Variants in ARHGAP35 observed in about 807,000 individuals in gnomAD.
The protein encoded by ARHGAP35 is rho GTPase-activating protein 35.
Under a neutral mutation model 111.1 loss-of-function variants are expected in ARHGAP35, and 15 were observed. The ratio of observed to expected loss-of-function variants is 0.13; its 90% CI spans 0.09 to 0.21. The LOEUF is 0.21. Ranked by LOEUF, ARHGAP35 falls within the 10% of genes least tolerant of loss-of-function variation. ARHGAP35 has a pLI of 1.00. For synonymous variants in ARHGAP35, 643 were observed against 710.3 expected (o/e 0.91, Z 1.51); for missense variants, 1,262 against 1,873.0 (o/e 0.67, Z 6.02).
intron 2 of ARHGAP35, among the ~76,000 whole-genome samples, chr19:46,936,794 A>G (rs143217145): frequency 6.6e-6 from 1 of 151,698 alleles, no homozygotes; most frequent in African/African-American, 2.4e-5. Flanking sequence ...AAGATAGAAA[A>G]TTAAAAGTAG....
intron 3 of ARHGAP35, among the ~76,000 whole-genome samples, chr19:46,961,946 A>G (rs535458559): frequency 5.9e-5 from 9 of 152,032 alleles, no homozygotes; most frequent in African/African-American, 1.9e-4. Context: ...GAGAGAGAGA[A>G]AGAAAGAAAA....
intron 2 of ARHGAP35, among the ~76,000 whole-genome samples, chr19:46,925,394 C>T (rs1388867188): frequency 6.6e-6 from 1 of 152,214 alleles, no homozygotes; most frequent in African/African-American, 2.4e-5. Flanking sequence ...AGGGCCAAGC[C>T]AACCCCTGTG....
intron 3 of ARHGAP35, among the ~76,000 whole-genome samples, chr19:46,939,298 C>A (rs116508170): frequency 6.6e-6 from 1 of 151,586 alleles, no homozygotes; most frequent in African/African-American, 2.4e-5. Context: ...TTTTGACACT[C>A]GTTTTATATT....
rs1159413018 is a variant in ARHGAP35, at chr19:46,921,162, C to T, written c.2487C>T (p.His829=). The T allele has an allele frequency of 6.2e-7, 1 of 1,613,938 alleles. No homozygotes were observed. Among genetic ancestry groups the T allele is most frequent in the Non-Finnish European group, 8.5e-7 (1 of 1,179,920 alleles). Residue 829 remains histidine, a synonymous_variant, in exon 2 of 7, where the codon CAC becomes CAT. Coordinates refer to ENST00000672722, the MANE Select transcript of ARHGAP35 (RefSeq NM_004491.5). This position sits in a 1 kb window ranked among gnomAD's most constrained non-coding sequence, Gnocchi z 4.3. ...SVLLELPIGL[H]KKRIELSVLS... ...TACTTGAACTACCAATCGGACTGCA[C>T]AAGAAGCGGATTGAACTGTCTGTTC...
chr19:46,984,978 ACT>A (rs1296627362), intron 3 of ARHGAP35, among the ~76,000 whole-genome samples: 1 of 152,092 alleles, frequency 6.6e-6, no homozygotes, highest in Non-Finnish European at 1.5e-5. Context: ...GCCTCTCTAC[ACT>A]GAGACTCAGG....
chr19:46,901,085 T>C lies in ARHGAP35; in HGVS notation c.-188-17403T>C, dbSNP rs1440818788. Among the ~76,000 whole-genome samples, 1 of 152,352 alleles carries C rather than the reference T, an allele frequency of 6.6e-6. No homozygotes were observed. Among genetic ancestry groups the C allele is most frequent in the East Asian group, 1.9e-4 (1 of 5,190 alleles). On this transcript the variant is annotated intron_variant, in intron 1 of 6. Coordinates refer to ENST00000672722, the MANE Select transcript of ARHGAP35 (RefSeq NM_004491.5). This position sits in a 1 kb window ranked among gnomAD's most constrained non-coding sequence, Gnocchi z 4.5. ...TTCATTGCTGTATCCACATGCCTAG[T>C]ACAGTGCCTGGCACAGTAGTAGGTG...
chr19:46,977,750 G>A (rs116619976), intron 3 of ARHGAP35, among the ~76,000 whole-genome samples: 31 of 152,294 alleles, frequency 2.0e-4, no homozygotes, highest in African/African-American at 6.5e-4. Context: ...CTCTGGAATC[G>A]GACTGCCCGG....
At position 47,003,305 on chromosome 19, in the gene ARHGAP35, G is replaced by A. The variant is rs747878428; in HGVS notation, c.*2617G>A. Reference sequence around the variant, plus strand: ...GTTGGGGCTCTAAGTTCTGGAAGGTGTGTGCACAGAGGGTGCTCATGGGAC... The same window carrying A: ...GTTGGGGCTCTAAGTTCTGGAAGGTATGTGCACAGAGGGTGCTCATGGGAC... On this transcript the variant is annotated 3_prime_UTR_variant, in exon 7 of 7. Coordinates refer to ENST00000672722, the MANE Select transcript of ARHGAP35 (RefSeq NM_004491.5). 6.6e-6 allele frequency: 1 copy of A among 152,356 alleles called. No homozygotes were observed. The highest frequency in any genetic ancestry group is 1.9e-4 in the East Asian group (1 of 5,186). 9.4% of individuals were successfully genotyped at this position (152,356 alleles called of 1,614,324 possible).
chr19:46,866,548 A>G (rs911557069), intron 1 of ARHGAP35, among the ~76,000 whole-genome samples: 5 of 152,154 alleles, frequency 3.3e-5, no homozygotes, highest in Admixed American at 1.3e-4. Flanking sequence ...AGTGCTGTCC[A>G]GGTCTGATTG....
At chr19:46,957,594 A>T (rs996141283) in intron 3 of ARHGAP35, among the ~76,000 whole-genome samples, 5 of 152,210 alleles carry the variant, frequency 3.3e-5, no homozygotes, top group African/African-American at 1.2e-4. Flanking sequence ...GACCGGCAAT[A>T]GAGTTAAACC....
At position 46,922,313 on chromosome 19, in the gene ARHGAP35, C is replaced by T. The variant is rs762418967; in HGVS notation, c.3638C>T (p.Pro1213Leu). The T allele has an allele frequency of 1.9e-6, 3 of 1,611,862 alleles. No individual in the cohort carries two copies. Among genetic ancestry groups the T allele is most frequent in the Non-Finnish European group, 8.5e-7 (1 of 1,178,974 alleles). ...ATTCCATACGAAACAGACGAAGACC[C>T]GCGGAGGAGGAATATTCTTCGCAGC... is the stretch of plus-strand genomic sequence containing the variant. The part of the protein sequence containing the change: ...AVIPYETDED[P>L]RRRNILRSLR... Residue 1213 changes from proline to leucine, a missense_variant, in exon 2 of 7, where the codon CCG (proline) becomes CTG (leucine). This residue lies in a region of ARHGAP35 where 579 missense variants were observed against 716.9 expected (regional missense o/e 0.81). Coordinates refer to ENST00000672722, the MANE Select transcript of ARHGAP35 (RefSeq NM_004491.5). The surrounding 1 kb of genome is among the most constrained non-coding windows in gnomAD (Gnocchi z 4.0).
intron 1 of ARHGAP35, among the ~76,000 whole-genome samples, chr19:46,864,412 TGTGGCCTAGGGCAATTGTATATTAAA>T (rs1459712847): frequency 5.9e-5 from 9 of 152,222 alleles, no homozygotes; most frequent in Non-Finnish European, 1.3e-4. Context: ...TTTTCCCTGC[TGTGGCCTAGGGCAATTGTATATTAAA>T]GTAGCCATCC....
chr19:46,934,003 T>G (rs948231430), intron 2 of ARHGAP35, among the ~76,000 whole-genome samples: 1 of 152,184 alleles, frequency 6.6e-6, no homozygotes, highest in Admixed American at 6.5e-5. Context: ...GAAGGAGGCT[T>G]TAAGGTGATT....
Position 46,989,273 on chromosome 19 carries a change from A to T in ARHGAP35, c.3905-271A>T. ...AGCCAGATGAAGGCAAGCTCCTGGC[A>T]CCAAAAACCAGCATGTGGGGGTAGC... On this transcript the variant is annotated intron_variant, in intron 4 of 6. Coordinates refer to ENST00000672722, the MANE Select transcript of ARHGAP35 (RefSeq NM_004491.5). The surrounding 1 kb of genome is among the most constrained non-coding windows in gnomAD (Gnocchi z 5.3). The T allele has an allele frequency of 3.0e-6, 1 of 337,948 alleles. No individual in the cohort carries two copies. Among genetic ancestry groups the T allele is most frequent in the Non-Finnish European group, 5.7e-6 (1 of 175,422 alleles). The allele number at this position is 337,948 out of a possible 1,614,324, so 20.9% of individuals were successfully genotyped here. A position where few individuals can be genotyped will look rare whatever the true frequency, so the allele number is the denominator to read the frequency against.
intron 1 of ARHGAP35, among the ~76,000 whole-genome samples, chr19:46,892,468 CAA>C (rs982546554): frequency 5.7e-4 from 38 of 67,098 alleles, no homozygotes; most frequent in Admixed American, 7.0e-4. Flanking sequence ...AACCCTGTCT[CAA>C]AAAAAAAAAA....
At position 46,999,014 on chromosome 19, in the gene ARHGAP35, T is replaced by TG; in HGVS notation, c.4037-288dup. Reference sequence around the variant, plus strand: ...GATGAGCAAAGAATGGTGTTCTTTATGGCGGAGTGTCTCCAGATTGTTCTG... The same window carrying TG: ...GATGAGCAAAGAATGGTGTTCTTTATGGGCGGAGTGTCTCCAGATTGTTCTG... On this transcript the variant is annotated intron_variant, in intron 5 of 6. Coordinates refer to ENST00000672722, the MANE Select transcript of ARHGAP35 (RefSeq NM_004491.5). The surrounding 1 kb of genome is among the most constrained non-coding windows in gnomAD (Gnocchi z 5.4). The TG allele has an allele frequency of 2.7e-6, 1 of 376,120 alleles. No individual in the cohort carries two copies. The highest frequency in any genetic ancestry group is 4.8e-6 in the Non-Finnish European group (1 of 209,124). The allele number at this position is 376,120 out of a possible 1,614,324, so 23.3% of individuals were successfully genotyped here. A position where few individuals can be genotyped will look rare whatever the true frequency, so the allele number is the denominator to read the frequency against.
intron 1 of ARHGAP35, among the ~76,000 whole-genome samples, chr19:46,865,114 C>A (rs2055848212): frequency 6.6e-6 from 1 of 152,172 alleles, no homozygotes; most frequent in African/African-American, 2.4e-5. Flanking sequence ...TCCAGCATTG[C>A]CATTTGCTTT....
chr19:46,875,009 A>C (rs968710995), intron 1 of ARHGAP35, among the ~76,000 whole-genome samples: 2 of 151,152 alleles, frequency 1.3e-5, no homozygotes, highest in East Asian at 1.9e-4. Context: ...ACGGGGTTTC[A>C]CCATGTTGGT....
At chr19:46,990,661 G>T (rs2056674883) in intron 5 of ARHGAP35, among the ~76,000 whole-genome samples, 1 of 152,210 alleles carries the variant, frequency 6.6e-6, no homozygotes, top group Non-Finnish European at 1.5e-5. Context: ...CACCTCTAAA[G>T]AGGGAGCTTT....
Sources: gnomAD v4.1 joint callset for allele counts (sites outside exome capture counted in the v4.1 genomes callset) on GRCh38, gnomAD v4.1.1 for gene constraint, gnomAD v4.1.1 regional missense constraint, Gnocchi (gnomAD v3.1) non-coding constraint, MANE v1.5 for transcripts, NCBI Gene and HGNC (gene_info 2026-07-23, HGNC 2026-07-21) for gene names.